The following SCIN variants were observed in gnomAD, a reference collection of about 807,000 sequenced individuals.
SCIN encodes the protein scinderin, also known as adseverin.
A neutral mutation model predicts 91.8 loss-of-function variants in SCIN; 91 were observed. The ratio of observed to expected loss-of-function variants is 0.99; its 90% CI spans 0.84 to 1.18. The LOEUF (loss-of-function observed/expected upper bound fraction) is 1.18, where lower values mean the gene tolerates loss of function less well. SCIN is among the 50% of genes most tolerant of loss of function. The pLI, the probability that SCIN is intolerant of heterozygous loss-of-function variation, is 0.00. For synonymous variants in SCIN, 367 were observed against 312.6 expected (o/e 1.17, Z -1.84); for missense variants, 1,087 against 863.9 (o/e 1.26, Z -3.24).
intron 12 of SCIN, 57 bp from the exon 13 acceptor site, chr7:12,644,527 C>T (rs1159030749): frequency 3.8e-6 from 6 of 1,587,860 alleles, no homozygotes; most frequent in South Asian, 2.3e-5. Flanking sequence ...TCATATAAAG[C>T]GACAGCAAGC....
At chr7:12,575,004 G>C (rs926711952) in intron 1 of SCIN, among the ~76,000 whole-genome samples, 2 of 151,998 alleles carry the variant, frequency 1.3e-5, no homozygotes, top group Non-Finnish European at 2.9e-5. Context: ...GGTCTTCCTT[G>C]ATATTTTGAA....
intron 13 of SCIN, among the ~76,000 whole-genome samples, chr7:12,648,912 G>A (rs886262695): frequency 5.9e-5 from 9 of 152,150 alleles, no homozygotes; most frequent in Admixed American, 2.6e-4. Context: ...AGGAGTTAAA[G>A]TTTCACTGAC....
intron 4 of SCIN, among the ~76,000 whole-genome samples, chr7:12,615,588 G>A (rs1388911024): frequency 2.0e-5 from 3 of 152,044 alleles, no homozygotes; most frequent in Non-Finnish European, 4.4e-5. Flanking sequence ...TTATAGCAGT[G>A]TGAAAATTGA....
intron 8 of SCIN, among the ~76,000 whole-genome samples, chr7:12,628,032 C>CGCGCGTGTGTGT (rs1271039607): frequency 6.8e-6 from 1 of 146,284 alleles, no homozygotes; most frequent in South Asian, 2.2e-4. Flanking sequence ...AGTGTGCGCG[C>CGCGCGTGTGTGT]GTGTGTGTGT....
intron 11 of SCIN, 38 bp from the exon 12 acceptor site, chr7:12,644,100 G>A: frequency 1.3e-6 from 2 of 1,561,070 alleles, no homozygotes; most frequent in Non-Finnish European, 1.7e-6. Context: ...GAGCAGCAAT[G>A]AATTTGAATC....
Position 12,604,528 on chromosome 7 carries a change from G to T in SCIN, c.531G>T (p.Trp177Cys). 6.4e-7 allele frequency: 1 copy of T among 1,551,610 alleles called. No individual in the cohort carries two copies. Among genetic ancestry groups the T allele is most frequent in the African/African-American group, 1.4e-5 (1 of 73,110 alleles). Reference protein sequence around the residue: ...IIDLGTEIYQWCGSSCNKYER... With the variant: ...IIDLGTEIYQCCGSSCNKYER... Reference sequence around the variant, plus strand: ...CTTTCTTTTAGGAAATTTATCAGTGGTGTGGTTCCTCGTGCAACAAATATG... The same window carrying T: ...CTTTCTTTTAGGAAATTTATCAGTGTTGTGGTTCCTCGTGCAACAAATATG... The change falls in exon 4 of 16, where the codon TGG becomes TGT. Residue 177 changes from tryptophan to cysteine, a missense_variant. Trp to Cys is a radical substitution (Grantham distance 215, BLOSUM62 -2). Coordinates refer to ENST00000297029, the MANE Select transcript of SCIN (RefSeq NM_001112706.3).
At chr7:12,641,606 C>T (rs185452663) in intron 11 of SCIN, among the ~76,000 whole-genome samples, 1 of 152,286 alleles carries the variant, frequency 6.6e-6, no homozygotes, top group Admixed American at 6.5e-5. Flanking sequence ...CGCATTTCAT[C>T]TCACACTCAC....
intron 11 of SCIN, among the ~76,000 whole-genome samples, chr7:12,642,893 G>T (rs1438132499): frequency 6.6e-6 from 1 of 151,958 alleles, no homozygotes; most frequent in East Asian, 1.9e-4. Context: ...CTTCACTGTG[G>T]TCTCATTCAG....
chr7:12,578,163 A>G lies in SCIN; in HGVS notation c.299A>G (p.Gln100Arg). The change falls in exon 2 of 16, where the codon CAA becomes CGA. Residue 100 changes from glutamine to arginine, a missense_variant. Physicochemically the swap from Gln to Arg is conservative, Grantham distance 43 (BLOSUM62 1). Transcript: ENST00000297029. ...GGKPVQNREL[Q>R]GYESNDFVSY... ...AAGCCAGTGCAGAATAGAGAACTTC[A>G]AGGATATGAGTCTAATGACTTTGTT... The G allele has an allele frequency of 6.4e-7, 1 of 1,551,222 alleles. No homozygotes were observed.
intron 3 of SCIN, among the ~76,000 whole-genome samples, chr7:12,586,806 T>C (rs1021583337): frequency 3.9e-5 from 6 of 152,228 alleles, no homozygotes; most frequent in Middle Eastern, 3.2e-3. Context: ...GGATATTATG[T>C]TAAGCAAAGC....
At chr7:12,573,845 G>T (rs1484608704) in intron 1 of SCIN, among the ~76,000 whole-genome samples, 1 of 152,102 alleles carries the variant, frequency 6.6e-6, no homozygotes, top group Non-Finnish European at 1.5e-5. Context: ...CTTGTGCAAT[G>T]CCCTGGGAAT....
rs1269839072 is a variant in SCIN, at chr7:12,621,643, T to G, written c.667-1158T>G. Among the ~76,000 whole-genome samples the G allele has an allele frequency of 4.0e-5, 6 of 150,144 alleles. No homozygotes were observed. In the East Asian group the frequency reaches 7.8e-4, roughly 19 times the overall value. ...TTTGGTCACAAGTGTTTTAGTTTTT[T>G]TTTTTTTTTTTTTTGCTTGATTCTA... On this transcript the variant is annotated intron_variant, in intron 4 of 15. Coordinates refer to ENST00000297029, the MANE Select transcript of SCIN (RefSeq NM_001112706.3).
chr7:12,643,796 G>C (rs1001734735), intron 11 of SCIN, among the ~76,000 whole-genome samples: 9 of 152,126 alleles, frequency 5.9e-5, no homozygotes, highest in African/African-American at 2.2e-4. Context: ...CTCCCCCTCA[G>C]TCTTGCTTAC....
rs189463953 is a variant in SCIN, at chr7:12,648,424, G to A, written c.1882-1043G>A. On this transcript the variant is annotated intron_variant, in intron 13 of 15. Transcript: ENST00000297029. ...CAATTCTCCTACATCAGCCTCCCAA[G>A]TAGCTGGAACTACAGGCACCTGCCA... Among the ~76,000 whole-genome samples, 30 of 151,270 alleles carry A rather than the reference G, an allele frequency of 2.0e-4. No individual in the cohort carries two copies. In the East Asian group the frequency reaches 5.9e-3, roughly 30 times the overall value.
chr7:12,612,183 T>A (rs1783206046), intron 4 of SCIN, among the ~76,000 whole-genome samples: 1 of 152,186 alleles, frequency 6.6e-6, no homozygotes, highest in African/African-American at 2.4e-5. Context: ...CTTGGGAAAT[T>A]GAACAATGTC....
intron 3 of SCIN, among the ~76,000 whole-genome samples, chr7:12,596,733 A>T (rs1165735962): frequency 1.3e-5 from 2 of 151,768 alleles, no homozygotes; most frequent in Admixed American, 1.3e-4. Flanking sequence ...AAGAGAATAT[A>T]ATTTCACCTG....
Position 12,581,085 on chromosome 7 carries a change from A to C in SCIN, c.380A>C (p.Asn127Thr). Residue 127 changes from asparagine to threonine, a missense_variant, in exon 3 of 16, where the codon AAT (asparagine) becomes ACT (threonine). Physicochemically the swap from Asn to Thr is moderately conservative, Grantham distance 65. Transcript: ENST00000297029. ...GCTGGAGGCGTGGCATCTGGATTAA[A>C]TCATGTTCTTACGAACGACCTGACA... is the stretch of plus-strand genomic sequence containing the variant. ...YKAGGVASGL[N>T]HVLTNDLTAK... 6.4e-7 allele frequency: 1 copy of C among 1,551,282 alleles called. No individual in the cohort carries two copies.
rs1379359704 is a variant in SCIN at position 12,644,659 on chromosome 7, A to G, written c.1835A>G (p.His612Arg). Residue 612 changes from histidine to arginine, a missense_variant, in exon 13 of 16, where the codon CAT becomes CGT. Coordinates refer to ENST00000297029, the MANE Select transcript of SCIN (RefSeq NM_001112706.3). ...CTACTGGAAACCCAGGCTGAAGACC[A>G]TCCACCTCGGCTTTACGGCTGCTCT... ...SPLLETQAED[H>R]PPRLYGCSNK... 9 of 1,597,200 alleles carry G rather than the reference A, an allele frequency of 5.6e-6. No individual in the cohort carries two copies. The highest frequency in any genetic ancestry group is 7.7e-6 in the Non-Finnish European group (9 of 1,171,384).
chr7:12,613,948 T>C (rs1783247602), intron 4 of SCIN, among the ~76,000 whole-genome samples: 1 of 152,156 alleles, frequency 6.6e-6, no homozygotes, highest in Admixed American at 6.5e-5. Flanking sequence ...AAAAGCTTCA[T>C]AGAACTATGT....
Sources: gnomAD v4.1 joint callset for allele counts (sites outside exome capture counted in the v4.1 genomes callset) on GRCh38, gnomAD v4.1.1 for gene constraint, MANE v1.5 for transcripts, NCBI Gene and HGNC (gene_info 2026-07-23, HGNC 2026-07-21) for gene names.